Variants in SOX6 observed in about 807,000 individuals in gnomAD.
The protein encoded by SOX6 is SRY-box transcription factor 6, also known as transcription factor SOX-6.
In SOX6, 11 loss-of-function variants were observed where a neutral mutation model predicts 97.8. The ratio of observed to expected loss-of-function variants is 0.11; its 90% CI spans 0.07 to 0.19. The LOEUF (loss-of-function observed/expected upper bound fraction) is 0.19. Among genes scored for constraint, SOX6 ranks in the 10% least tolerant of loss-of-function variants. The pLI is 1.00. For synonymous variants in SOX6, 360 were observed against 371.4 expected, an observed-to-expected ratio of 0.97 and a Z score of 0.35; for missense variants, 810 against 1,039.5, an observed-to-expected ratio of 0.78 and a Z score of 3.04.
chr11:16,390,914 T>A (rs1473562502), intron 1 of SOX6, among the ~76,000 whole-genome samples: 1 of 152,106 alleles, frequency 6.6e-6, no homozygotes, highest in East Asian at 1.9e-4. Context: ...GTGGCACTAT[T>A]CACAATAGCA....
At chr11:16,198,492 A>G (rs1851851704) in intron 4 of SOX6, among the ~76,000 whole-genome samples, 1 of 152,176 alleles carries the variant, frequency 6.6e-6, no homozygotes, top group Admixed American at 6.5e-5. Flanking sequence ...AATAAAAATA[A>G]GGGTTTTTAA....
intron 4 of SOX6, among the ~76,000 whole-genome samples, chr11:16,571,094 G>T (rs1194237965): frequency 2.0e-5 from 3 of 152,134 alleles, no homozygotes; most frequent in African/African-American, 7.2e-5. Flanking sequence ...GAAGATATTA[G>T]AATATTTTTC....
At chr11:16,565,490 C>T (rs1487181910) in intron 4 of SOX6, among the ~76,000 whole-genome samples, 1 of 144,106 alleles carries the variant, frequency 6.9e-6, no homozygotes, top group Admixed American at 6.9e-5. Flanking sequence ...AAATATGATA[C>T]AAAAAAAAAA....
At chr11:16,069,335 T>C (rs1420112810) in intron 9 of SOX6, among the ~76,000 whole-genome samples, 4 of 152,222 alleles carry the variant, frequency 2.6e-5, no homozygotes, top group Non-Finnish European at 5.9e-5. Context: ...CCAGGTTTCC[T>C]ACTTTCTCTA....
chr11:16,099,776 T>A (rs910522721), intron 7 of SOX6, among the ~76,000 whole-genome samples: 2 of 151,396 alleles, frequency 1.3e-5, no homozygotes, highest in African/African-American at 4.8e-5. Flanking sequence ...CACCCTATAG[T>A]ACTTTCCAGC....
intron 4 of SOX6, among the ~76,000 whole-genome samples, chr11:16,591,328 TAGATAGATAGATAGATAGATAGAC>T (rs1425469995): frequency 5.2e-5 from 4 of 76,936 alleles, no homozygotes; most frequent in Non-Finnish European, 8.3e-5. Flanking sequence ...CATAGATAGA[TAGATAGATAGATAGATAGATAGAC>T]AGATAGATAG....
At chr11:16,375,514 AAG>A (rs1857620187) in intron 1 of SOX6, among the ~76,000 whole-genome samples, 1 of 151,894 alleles carries the variant, frequency 6.6e-6, no homozygotes. Context: ...AAAAAAAAAA[AAG>A]AGAAGAAATT....
intron 2 of SOX6, among the ~76,000 whole-genome samples, chr11:16,734,932 C>A (rs1848380591): frequency 6.6e-6 from 1 of 152,140 alleles, no homozygotes; most frequent in Non-Finnish European, 1.5e-5. Flanking sequence ...GAAAATAAGA[C>A]TGGAATGGAT....
chr11:16,168,042 A>T (rs1393989128), intron 6 of SOX6, among the ~76,000 whole-genome samples: 1 of 152,178 alleles, frequency 6.6e-6, no homozygotes, highest in Non-Finnish European at 1.5e-5. Context: ...ACCATTGGAG[A>T]TATCTCAACA....
intron 3 of SOX6, among the ~76,000 whole-genome samples, chr11:16,700,936 A>G (rs752538355): frequency 3.9e-5 from 6 of 152,190 alleles, no homozygotes; most frequent in Non-Finnish European, 5.9e-5. Context: ...GGTATGTGGT[A>G]TCAATCCCTA....
intron 4 of SOX6, among the ~76,000 whole-genome samples, chr11:16,505,311 C>T (rs1476143339): frequency 1.3e-5 from 2 of 152,160 alleles, no homozygotes; most frequent in Non-Finnish European, 2.9e-5. Context: ...AGACTGGTGG[C>T]ATTTTGCCCC....
chr11:16,569,836 T>C (rs797019877), intron 4 of SOX6, among the ~76,000 whole-genome samples: 44 of 125,702 alleles, frequency 3.5e-4, no homozygotes, highest in African/African-American at 1.2e-3. Context: ...GCCACTGCAC[T>C]CCAGCCTGGG....
chr11:16,624,878 T>G (rs932466357), intron 3 of SOX6, among the ~76,000 whole-genome samples: 6 of 152,234 alleles, frequency 3.9e-5, no homozygotes, highest in Non-Finnish European at 7.3e-5. Flanking sequence ...CTAATGACAT[T>G]GAGCACTTTT....
At chr11:16,563,300 T>A (rs1341466092) in intron 4 of SOX6, among the ~76,000 whole-genome samples, 1 of 152,128 alleles carries the variant, frequency 6.6e-6, no homozygotes, top group African/African-American at 2.4e-5. Flanking sequence ...TTAAAATAGC[T>A]GGTTCGGGTT....
rs1853273351 is a variant in SOX6 at position 15,970,641 on chromosome 11, C to CA, written c.*2167dup. On this transcript the variant is annotated 3_prime_UTR_variant, in exon 16 of 16. Coordinates refer to ENST00000683767, the MANE Select transcript of SOX6 (RefSeq NM_001367873.1). Reference sequence around the variant, plus strand: ...TCTAATCCCCAACCAACATGAATAACAAAGAGTTCCTATCAGTACCTTAAT... The same window carrying CA: ...TCTAATCCCCAACCAACATGAATAACAAAAGAGTTCCTATCAGTACCTTAAT... 1 of 152,574 alleles carries CA rather than the reference C, an allele frequency of 6.6e-6. No homozygotes were observed. The highest frequency in any genetic ancestry group is 1.5e-5 in the Non-Finnish European group (1 of 68,016). 9.5% of individuals were successfully genotyped at this position (152,574 alleles called of 1,614,324 possible). A position where few individuals can be genotyped will look rare whatever the true frequency, so the allele number is the denominator to read the frequency against.
At chr11:16,226,213 A>G (rs748051088) in intron 4 of SOX6, among the ~76,000 whole-genome samples, 1 of 152,206 alleles carries the variant, frequency 6.6e-6, no homozygotes, top group Non-Finnish European at 1.5e-5. Context: ...ACCTACAAGA[A>G]CATCTACCTT....
At chr11:16,659,401 T>C (rs986725742) in intron 3 of SOX6, among the ~76,000 whole-genome samples, 3 of 152,244 alleles carry the variant, frequency 2.0e-5, no homozygotes, top group African/African-American at 4.8e-5. Context: ...TTGATTTATT[T>C]GTCTCTTCTT....
At chr11:15,989,948 C>T (rs899759573) in intron 13 of SOX6, among the ~76,000 whole-genome samples, 1 of 152,040 alleles carries the variant, frequency 6.6e-6, no homozygotes, top group African/African-American at 2.4e-5. Flanking sequence ...GAATGGTCAG[C>T]TAGTGCTTCC....
At chr11:16,299,792 G>A (rs1855201449) in intron 3 of SOX6, among the ~76,000 whole-genome samples, 1 of 151,874 alleles carries the variant, frequency 6.6e-6, no homozygotes, top group Non-Finnish European at 1.5e-5. Context: ...TCTACACCAG[G>A]AAAGGCCAAA....
Sources: gnomAD v4.1 joint callset for allele counts (sites outside exome capture counted in the v4.1 genomes callset) on GRCh38, gnomAD v4.1.1 for gene constraint, MANE v1.5 for transcripts, NCBI Gene and HGNC (gene_info 2026-07-23, HGNC 2026-07-21) for gene names.